TNFAIP8: variants seen among roughly 807,000 people sequenced by gnomAD.
TNFAIP8 encodes the protein tumor necrosis factor alpha-induced protein 8.
Under a neutral mutation model 13.3 loss-of-function variants are expected in TNFAIP8, and 7 were observed. The ratio of observed to expected loss-of-function variants is 0.52; its 90% CI spans 0.30 to 0.99. The LOEUF (loss-of-function observed/expected upper bound fraction) is 0.99, where lower values mean the gene tolerates loss of function less well. TNFAIP8 is among the 50% of genes least tolerant of loss of function. The probability of loss-of-function intolerance (pLI) is 0.07; values close to 1 mark genes in which losing one functional copy is unlikely to be tolerated. For missense variants in TNFAIP8, 258 were observed against 236.9 expected (o/e 1.09, Z -0.58); for synonymous variants, 94 against 87.6 (o/e 1.07, Z -0.41).
chr5:119,289,026 T>G (rs1042410394), intron 1 of TNFAIP8, among the ~76,000 whole-genome samples: 11 of 152,220 alleles, frequency 7.2e-5, no homozygotes, highest in Non-Finnish European at 4.4e-5. Context: ...TTTGTAGCTT[T>G]CTTTTATGGA....
rs1195172397 is a variant in TNFAIP8 at position 119,398,410 on chromosome 5, G to A, written c.*5029G>A. The stretch of plus-strand genomic sequence containing the variant: ...GTTTAAAACTGCCAGGCTGAGTGCG[G>A]TGGCTCATGCCTGTAATCCCAACAC... On this transcript the variant is annotated 3_prime_UTR_variant, in exon 2 of 2. Coordinates refer to ENST00000504771, the MANE Select transcript of TNFAIP8 (RefSeq NM_014350.4). 6.6e-6 allele frequency: 1 copy of A among 152,208 alleles called. No homozygotes were observed. Among genetic ancestry groups the A allele is most frequent in the Non-Finnish European group, 1.5e-5 (1 of 68,054 alleles). The allele number at this position is 152,208 out of a possible 1,614,324, so 9.4% of individuals were successfully genotyped here.
At chr5:119,319,223 G>A (rs113158523) in intron 1 of TNFAIP8, among the ~76,000 whole-genome samples, 2 of 152,194 alleles carry the variant, frequency 1.3e-5, no homozygotes, top group East Asian at 3.8e-4. Flanking sequence ...GCAGTGAGCT[G>A]TGATGGCACT....
intron 1 of TNFAIP8, among the ~76,000 whole-genome samples, chr5:119,373,993 T>A (rs1027048048): frequency 1.3e-5 from 2 of 152,246 alleles, no homozygotes; most frequent in African/African-American, 4.8e-5. Flanking sequence ...TTATTTCTTA[T>A]GGTTTTAAAC....
At chr5:119,284,111 C>A (rs1037187865) in intron 1 of TNFAIP8, among the ~76,000 whole-genome samples, 1 of 152,166 alleles carries the variant, frequency 6.6e-6, no homozygotes, top group African/African-American at 2.4e-5. Flanking sequence ...GAAATAAGTT[C>A]TATCATTATT....
In TNFAIP8 at chr5:119,393,427, G is replaced by C. The variant is rs1193469745; in HGVS notation, c.*46G>C. 1 of 1,502,748 alleles carries C rather than the reference G, an allele frequency of 6.7e-7. No homozygotes were observed. The highest frequency in any genetic ancestry group is 9.1e-7 in the Non-Finnish European group (1 of 1,103,866). 93.1% of individuals were successfully genotyped at this position (1,502,748 alleles called of 1,614,324 possible). On this transcript the variant is annotated 3_prime_UTR_variant, in exon 2 of 2. Transcript: ENST00000504771. The stretch of plus-strand genomic sequence containing the variant: ...ACTGATCATGATTTATTTGAAGATG[G>C]AGCACTGCTGATTTATGAAGGAAAA...
At chr5:119,326,183 C>A (rs532141225) in intron 1 of TNFAIP8, among the ~76,000 whole-genome samples, 2 of 152,108 alleles carry the variant, frequency 1.3e-5, no homozygotes, top group Non-Finnish European at 2.9e-5. Flanking sequence ...ATCACCCTGT[C>A]GTTTAGGAAT....
At chr5:119,368,396 T>C (rs1490671800) in intron 1 of TNFAIP8, among the ~76,000 whole-genome samples, 5 of 151,490 alleles carry the variant, frequency 3.3e-5, no homozygotes, top group Admixed American at 1.3e-4. Flanking sequence ...ACCCACACTT[T>C]CTCTTCTTTC....
intron 1 of TNFAIP8, among the ~76,000 whole-genome samples, chr5:119,345,431 A>G (rs1180220060): frequency 6.6e-6 from 1 of 152,244 alleles, no homozygotes; most frequent in Non-Finnish European, 1.5e-5. Context: ...GTAAACCAAA[A>G]CCCAAAAGGT....
intron 1 of TNFAIP8, among the ~76,000 whole-genome samples, chr5:119,282,602 G>C (rs1269138180): frequency 6.6e-6 from 1 of 152,222 alleles, no homozygotes; most frequent in African/African-American, 2.4e-5. Flanking sequence ...CCACAGTAAG[G>C]CCACTGTGGT....
intron 1 of TNFAIP8, among the ~76,000 whole-genome samples, chr5:119,305,742 A>G (rs999275): frequency 0.087 from 13,207 of 152,228 alleles, 1,472 homozygotes; most frequent in African/African-American, 0.26. Flanking sequence ...TACCCAAATC[A>G]TGATAGCTCA....
chr5:119,324,822 T>C (rs1188990859), intron 1 of TNFAIP8, among the ~76,000 whole-genome samples: 1 of 152,154 alleles, frequency 6.6e-6, no homozygotes, highest in Non-Finnish European at 1.5e-5. Flanking sequence ...TGTGTGCTTA[T>C]AGTTTTCTCT....
chr5:119,290,967 T>A (rs75756912), intron 1 of TNFAIP8, among the ~76,000 whole-genome samples: 1,544 of 152,244 alleles, frequency 0.01, 17 homozygotes, highest in African/African-American at 0.035. Flanking sequence ...TGGACTTTCT[T>A]TGATTATTAG....
At chr5:119,281,306 A>ACACACACACACACACACACACACACT in intron 1 of TNFAIP8, among the ~76,000 whole-genome samples, 17 of 114,214 alleles carry the variant, frequency 1.5e-4, no homozygotes, top group Admixed American at 1.3e-3. Context: ...ACACACACAC[A>ACACACACACACACACACACACACACT]CTCTCTCTCT....
chr5:119,324,145 A>G (rs771714701), intron 1 of TNFAIP8, among the ~76,000 whole-genome samples: 9 of 151,706 alleles, frequency 5.9e-5, no homozygotes, highest in Non-Finnish European at 1.3e-4. Context: ...TGTGTTGGCC[A>G]GTGTCTATAA....
chr5:119,276,591 T>G (rs185985683), intron 1 of TNFAIP8, among the ~76,000 whole-genome samples: 32 of 152,302 alleles, frequency 2.1e-4, no homozygotes, highest in African/African-American at 7.7e-4. Context: ...GTCAACAGGT[T>G]TGATTTCCCT....
At chr5:119,386,958 T>TCTCCCTCC (rs746624859) in intron 1 of TNFAIP8, among the ~76,000 whole-genome samples, 30,796 of 124,698 alleles carry the variant, frequency 0.25, 3,986 homozygotes, top group African/African-American at 0.26. Context: ...TTCTACTGGG[T>TCTCCCTCC]CTCCCTCCCT....
intron 1 of TNFAIP8, among the ~76,000 whole-genome samples, chr5:119,322,503 G>T (rs532871353): frequency 6.6e-6 from 1 of 152,184 alleles, no homozygotes; most frequent in Admixed American, 6.5e-5. Flanking sequence ...ATACACAGGC[G>T]TGGAGAAGTT....
chr5:119,331,250 T>A (rs1161422474), intron 1 of TNFAIP8, among the ~76,000 whole-genome samples: 6 of 148,972 alleles, frequency 4.0e-5, no homozygotes, highest in South Asian at 4.2e-4. Flanking sequence ...TTTTTTTTTT[T>A]AAACATAAGG....
At position 119,275,195 on chromosome 5, in the gene TNFAIP8, T is replaced by C. The variant is rs78215292; in HGVS notation, c.1+6288T>C. On this transcript the variant is annotated intron_variant, in intron 1 of 1. Coordinates refer to the TNFAIP8 transcript ENST00000274456. ...TAGGTCTTCACTGGGTGGAAAAATA[T>C]TAACAAGCAACCAGGTCAAGAACAA... Among the ~76,000 whole-genome samples the C allele has an allele frequency of 5.3e-3, 813 of 152,248 alleles. 11 individuals are homozygous for C. The highest frequency in any genetic ancestry group is 0.019 in the African/African-American group (786 of 41,530).
Sources: allele counts gnomAD v4.1 joint callset (sites outside exome capture counted in the v4.1 genomes callset), GRCh38; gene constraint gnomAD v4.1.1; transcripts MANE v1.5; gene names NCBI Gene and HGNC (gene_info 2026-07-23, HGNC 2026-07-21).